MICOS10: variants seen among roughly 807,000 people sequenced by gnomAD.
The protein encoded by MICOS10 is MICOS complex subunit MIC10.
In MICOS10, 5 loss-of-function variants were observed where a neutral mutation model predicts 13.4. That is an observed-to-expected ratio of 0.37 (90% CI 0.20 to 0.78). The LOEUF (loss-of-function observed/expected upper bound fraction) is 0.78, where lower values mean the gene tolerates loss of function less well. MICOS10 is among the 30% of genes least tolerant of loss of function. The pLI is 0.47. For synonymous variants in MICOS10, 35 were observed against 33.6 expected, an observed-to-expected ratio of 1.04 and a Z score of -0.15; for missense variants, 101 against 94.6, an observed-to-expected ratio of 1.07 and a Z score of -0.28.
chr1:19,607,534 A>T (rs1052416565), intron 1 of MICOS10, among the ~76,000 whole-genome samples: 23 of 152,206 alleles, frequency 1.5e-4, no homozygotes, highest in African/African-American at 5.5e-4. Flanking sequence ...GCATTGCTAG[A>T]TTGGATCCTG....
chr1:19,603,391 A>G (rs547674995), intron 1 of MICOS10, among the ~76,000 whole-genome samples: 3 of 152,340 alleles, frequency 2.0e-5, no homozygotes, highest in East Asian at 3.9e-4. Context: ...ATTCTGTTAC[A>G]ACTTACTCTT....
chr1:19,625,676 A>G, intron 3 of MICOS10: 3 of 1,265,396 alleles, frequency 2.4e-6, no homozygotes, highest in Non-Finnish European at 3.1e-6. Flanking sequence ...CTGAGTTGTC[A>G]GGGATAATGG....
Position 19,597,013 on chromosome 1 carries a change from C to T in MICOS10, c.-33C>T. The T allele has an allele frequency of 6.4e-7, 1 of 1,570,838 alleles. No homozygotes were observed. The highest frequency in any genetic ancestry group is 8.6e-7 in the Non-Finnish European group (1 of 1,162,044). ...TCAGGGGTCGGAGCGCGGGGGCCGGCCGAGAGGAAAGCTGGAGGCGCGGGT... is the reference window on the plus strand; with the variant it reads ...TCAGGGGTCGGAGCGCGGGGGCCGGTCGAGAGGAAAGCTGGAGGCGCGGGT... On this transcript the variant is annotated 5_prime_UTR_variant, in exon 1 of 4. Coordinates refer to ENST00000322753, the MANE Select transcript of MICOS10 (RefSeq NM_001032363.4).
chr1:19,614,724 GC>G (rs1281721999), intron 1 of MICOS10: 1 of 152,210 alleles, frequency 6.6e-6, no homozygotes, highest in East Asian at 1.9e-4. Flanking sequence ...CTAGAGCAGA[GC>G]TTCAGTCATG....
chr1:19,603,840 G>T (rs2094825121), intron 1 of MICOS10, among the ~76,000 whole-genome samples: 1 of 152,182 alleles, frequency 6.6e-6, no homozygotes, highest in Admixed American at 6.5e-5. Flanking sequence ...TGGGATGAAG[G>T]CAGGGAGGAG....
In MICOS10 at chr1:19,624,135, C is replaced by T. The variant is rs564496525; in HGVS notation, c.222+552C>T. On this transcript the variant is annotated intron_variant, in intron 3 of 3. Transcript: ENST00000322753. The stretch of plus-strand genomic sequence containing the variant: ...AGCTGGGATTACAGGCACCTGCCAC[C>T]ACGCCTGGCTGATTTTTGTATTTTA... Among the ~76,000 whole-genome samples, 543 of 151,678 alleles carry T rather than the reference C, an allele frequency of 3.6e-3. 2 individuals carry two copies. The highest frequency in any genetic ancestry group is 6.3e-3 in the Non-Finnish European group (428 of 67,890).
At chr1:19,610,819 A>G (rs1164963815) in intron 1 of MICOS10, among the ~76,000 whole-genome samples, 1 of 152,234 alleles carries the variant, frequency 6.6e-6, no homozygotes, top group Non-Finnish European at 1.5e-5. Context: ...ATGATTAACT[A>G]AAGCAACTGA....
intron 1 of MICOS10, among the ~76,000 whole-genome samples, chr1:19,614,769 A>G (rs1262921972): frequency 6.6e-6 from 1 of 152,182 alleles, no homozygotes; most frequent in African/African-American, 2.4e-5. Flanking sequence ...AGGGAAGCCA[A>G]CTGCTGACTG....
chr1:19,615,988 C>T (rs983905891), intron 1 of MICOS10, among the ~76,000 whole-genome samples: 4 of 151,796 alleles, frequency 2.6e-5, no homozygotes, highest in Admixed American at 6.6e-5. Context: ...GCGTGATCTT[C>T]GTTTACTGCA....
rs2094922776 is a variant in MICOS10, at chr1:19,626,569, T to C, written c.*168T>C. ...TTGAAACCAAGTCTGTTTCTTGTTTTGTATTTTCTCTCTGGAAGTTGTAAG... is the reference window on the plus strand; with the variant it reads ...TTGAAACCAAGTCTGTTTCTTGTTTCGTATTTTCTCTCTGGAAGTTGTAAG... On this transcript the variant is annotated 3_prime_UTR_variant, in exon 4 of 4. Coordinates refer to ENST00000322753, the MANE Select transcript of MICOS10 (RefSeq NM_001032363.4). 4 of 717,396 alleles carry C rather than the reference T, an allele frequency of 5.6e-6. No individual in the cohort carries two copies. Among genetic ancestry groups the C allele is most frequent in the Non-Finnish European group, 9.3e-6 (4 of 429,872 alleles). The allele number at this position is 717,396 out of a possible 1,614,324, so 44.4% of individuals were successfully genotyped here.
chr1:19,626,408 CT>C lies in MICOS10; in HGVS notation c.*8del, dbSNP rs1381434441. ...ACAGGAGCAGGAGCAGTGACTTCACCTGAGAACATCCCAGCGGGAGGACAAG... is the reference window on the plus strand; with the variant it reads ...ACAGGAGCAGGAGCAGTGACTTCACCGAGAACATCCCAGCGGGAGGACAAG... On this transcript the variant is annotated 3_prime_UTR_variant, in exon 4 of 4. Coordinates refer to ENST00000322753, the MANE Select transcript of MICOS10 (RefSeq NM_001032363.4). The C allele has an allele frequency of 3.7e-6, 6 of 1,613,790 alleles. No individual in the cohort carries two copies. In the African/African-American group the frequency reaches 4.0e-5, roughly 11 times the overall value.
At chr1:19,597,630 G>T (rs1189215884) in intron 1 of MICOS10, among the ~76,000 whole-genome samples, 1 of 152,166 alleles carries the variant, frequency 6.6e-6, no homozygotes, top group African/African-American at 2.4e-5. Context: ...AGTAGTCTGG[G>T]GCCTGAACTT....
At chr1:19,616,654 G>A (rs1027774498) in intron 1 of MICOS10, among the ~76,000 whole-genome samples, 3 of 152,142 alleles carry the variant, frequency 2.0e-5, no homozygotes, top group South Asian at 2.1e-4. Flanking sequence ...AGAAAAACAC[G>A]TTGTTGTATG....
chr1:19,610,039 G>A (rs529534902), intron 1 of MICOS10, among the ~76,000 whole-genome samples: 1 of 152,276 alleles, frequency 6.6e-6, no homozygotes, highest in South Asian at 2.1e-4. Flanking sequence ...CTACTCGGGA[G>A]GGTGAGGCAG....
chr1:19,626,405 C>T lies in MICOS10; in HGVS notation c.*4C>T, dbSNP rs1570516037. 2 of 1,613,970 alleles carry T rather than the reference C, an allele frequency of 1.2e-6. No homozygotes were observed. Among genetic ancestry groups the T allele is most frequent in the Middle Eastern group, 3.3e-4 (2 of 6,056 alleles). The stretch of plus-strand genomic sequence containing the variant: ...TTTACAGGAGCAGGAGCAGTGACTT[C>T]ACCTGAGAACATCCCAGCGGGAGGA... On this transcript the variant is annotated 3_prime_UTR_variant, in exon 4 of 4. Coordinates refer to ENST00000322753, the MANE Select transcript of MICOS10 (RefSeq NM_001032363.4).
At chr1:19,599,759 C>T (rs752728223) in intron 1 of MICOS10, among the ~76,000 whole-genome samples, 2 of 152,120 alleles carry the variant, frequency 1.3e-5, no homozygotes, top group Non-Finnish European at 2.9e-5. Flanking sequence ...GGATTAGAAC[C>T]CAGGCATCCT....
chr1:19,609,026 G>C (rs1052598465), intron 1 of MICOS10, among the ~76,000 whole-genome samples: 3 of 64,506 alleles, frequency 4.7e-5, no homozygotes, highest in African/African-American at 1.8e-4. Context: ...TTTTTTTTGA[G>C]ATGGGATCTC....
Position 19,619,520 on chromosome 1 carries a change from T to C in MICOS10, c.65-2580T>C, listed in dbSNP as rs933887931. 7.2e-5 allele frequency among the ~76,000 whole-genome samples: 11 copies of C among 152,348 alleles called. 1 individual carries two copies. Among genetic ancestry groups the C allele is most frequent in the Non-Finnish European group, 1.0e-4 (7 of 68,020 alleles). On this transcript the variant is annotated intron_variant, in intron 1 of 3. Transcript: ENST00000322753. The stretch of plus-strand genomic sequence containing the variant: ...TACATTGCTGCACCTCCATTGGTTG[T>C]TCTCCTTTTAAATTTGTTGTAAAAT...
chr1:19,617,887 A>T (rs1490746824), intron 1 of MICOS10, among the ~76,000 whole-genome samples: 2 of 151,114 alleles, frequency 1.3e-5, no homozygotes, highest in Non-Finnish European at 2.9e-5. Flanking sequence ...AGCAAGTCTG[A>T]AAGGATCCTC....
Sources: gnomAD v4.1 joint callset for allele counts (sites outside exome capture counted in the v4.1 genomes callset) on GRCh38, gnomAD v4.1.1 for gene constraint, MANE v1.5 for transcripts, NCBI Gene and HGNC (gene_info 2026-07-23, HGNC 2026-07-21) for gene names.